Variants in SMOC1 observed in about 807,000 individuals in gnomAD.
SMOC1 encodes the protein SPARC-related modular calcium-binding protein 1.
Under a neutral mutation model 56.3 loss-of-function variants are expected in SMOC1, and 22 were observed. The observed-to-expected ratio is 0.39, with a 90% confidence interval of 0.28 to 0.56. The LOEUF (loss-of-function observed/expected upper bound fraction) is 0.56, where lower values mean the gene tolerates loss of function less well. Ranked by LOEUF, SMOC1 falls within the 20% of genes least tolerant of loss-of-function variation. The probability of loss-of-function intolerance (pLI) is 0.61; values close to 1 mark genes in which losing one functional copy is unlikely to be tolerated. For synonymous variants in SMOC1, 193 were observed against 215.0 expected (o/e 0.90, Z 0.89); for missense variants, 509 against 565.4 (o/e 0.90, Z 1.01).
intron 11 of SMOC1, among the ~76,000 whole-genome samples, chr14:70,029,243 G>T (rs968299786): frequency 1.3e-5 from 2 of 152,220 alleles, no homozygotes; most frequent in African/African-American, 4.8e-5. Context: ...AGCACCCTGT[G>T]GGGAGATGTG....
At chr14:70,028,165 T>G (rs1017393682) in intron 11 of SMOC1, among the ~76,000 whole-genome samples, 1 of 152,206 alleles carries the variant, frequency 6.6e-6, no homozygotes, top group African/African-American at 2.4e-5. Flanking sequence ...GAGAGCTGAA[T>G]TCTCTGCATA....
intron 3 of SMOC1, among the ~76,000 whole-genome samples, chr14:69,973,914 T>C (rs1357508923): frequency 6.6e-6 from 1 of 152,230 alleles, no homozygotes; most frequent in Admixed American, 6.5e-5. Context: ...TTGATTTCAA[T>C]ATGTCCTTGA....
At chr14:69,981,750 A>G (rs1452426923) in intron 5 of SMOC1, among the ~76,000 whole-genome samples, 1 of 152,238 alleles carries the variant, frequency 6.6e-6, no homozygotes, top group Non-Finnish European at 1.5e-5. Flanking sequence ...GAATGGTTTC[A>G]GAGATCAAGA....
At chr14:70,011,138 A>T (rs1414763446) in intron 8 of SMOC1, among the ~76,000 whole-genome samples, 192 bp downstream of exon 8, 1 of 152,190 alleles carries the variant, frequency 6.6e-6, no homozygotes, top group Non-Finnish European at 1.5e-5. Flanking sequence ...TCTCTTTCTA[A>T]CTTAAGACCT....
intron 1 of SMOC1, among the ~76,000 whole-genome samples, chr14:69,896,309 A>C (rs181761727): frequency 1.3e-5 from 2 of 152,350 alleles, no homozygotes; most frequent in African/African-American, 4.8e-5. Flanking sequence ...GGGGTCAAAG[A>C]GACCTGAGAT....
chr14:70,021,405 C>T (rs1885718848), intron 10 of SMOC1, among the ~76,000 whole-genome samples: 1 of 152,332 alleles, frequency 6.6e-6, no homozygotes, highest in South Asian at 2.1e-4. Context: ...ACTGTGTATG[C>T]TGGCAGAGAC....
At position 69,929,867 on chromosome 14, in the gene SMOC1, C is replaced by T. The variant is rs142540981; in HGVS notation, c.100-22271C>T. Among the ~76,000 whole-genome samples, 756 of 152,182 alleles carry T rather than the reference C, an allele frequency of 5.0e-3. 1 individual carries two copies. Among genetic ancestry groups the T allele is most frequent in the Non-Finnish European group, 6.4e-3 (435 of 68,002 alleles). ...GGCAGCCCCAGAGGCGTTAGGCTGA[C>T]GAAGGAAAAGAGAGGCCTTCTTACT... On this transcript the variant is annotated intron_variant, in intron 1 of 11. Transcript: ENST00000361956.
chr14:69,902,899 C>A (rs573508952), intron 1 of SMOC1, among the ~76,000 whole-genome samples: 1 of 152,212 alleles, frequency 6.6e-6, no homozygotes. Context: ...GGATTGCAGA[C>A]GGAGTCTCGT....
At chr14:69,926,937 G>GTGA (rs751898974) in intron 1 of SMOC1, among the ~76,000 whole-genome samples, 64 of 152,152 alleles carry the variant, frequency 4.2e-4, no homozygotes, top group African/African-American at 1.4e-3. Context: ...CCTGGATGTG[G>GTGA]TGATGATGAT....
chr14:69,991,065 C>A (rs1337935181), intron 5 of SMOC1, among the ~76,000 whole-genome samples: 1 of 152,176 alleles, frequency 6.6e-6, no homozygotes, highest in Non-Finnish European at 1.5e-5. Flanking sequence ...GTACTGAGAG[C>A]TCCAAATGGT....
chr14:69,953,773 A>G (rs1203250610), intron 3 of SMOC1, among the ~76,000 whole-genome samples: 1 of 152,180 alleles, frequency 6.6e-6, no homozygotes, highest in Non-Finnish European at 1.5e-5. Context: ...GGAAACTGGC[A>G]TTGCTTGGTC....
rs913583647 is a variant in SMOC1 at position 69,895,327 on chromosome 14, A to G, written c.99+15550A>G. Among the ~76,000 whole-genome samples, 3 of 152,374 alleles carry G rather than the reference A, an allele frequency of 2.0e-5. No homozygotes were observed. The East Asian group carries it at 5.8e-4, about 29-fold the overall frequency. ...TTAGGAAATGTGAAGTAGAGCTGAT[A>G]GAACAAGTAGCCAGCGATTCTGTTT... On this transcript the variant is annotated intron_variant, in intron 1 of 11. Coordinates refer to ENST00000361956, the MANE Select transcript of SMOC1 (RefSeq NM_001034852.3).
At chr14:70,027,957 G>A (rs1336929878) in intron 11 of SMOC1, among the ~76,000 whole-genome samples, 9 of 152,184 alleles carry the variant, frequency 5.9e-5, no homozygotes, top group East Asian at 1.9e-4. Flanking sequence ...CGGGAGCAGA[G>A]CCTATGCGTC....
chr14:70,005,276 A>C (rs1229379496), intron 7 of SMOC1, among the ~76,000 whole-genome samples: 1 of 152,262 alleles, frequency 6.6e-6, no homozygotes. Context: ...CTGAGGATTT[A>C]GGTTATCCAT....
intron 4 of SMOC1, among the ~76,000 whole-genome samples, chr14:69,976,430 C>T (rs2139504881): frequency 6.6e-6 from 1 of 152,250 alleles, no homozygotes; most frequent in African/African-American, 2.4e-5. Context: ...GACCTGAGGT[C>T]TTTGTTTTTA....
intron 1 of SMOC1, among the ~76,000 whole-genome samples, chr14:69,919,583 T>G (rs952918658): frequency 2.6e-5 from 4 of 152,254 alleles, no homozygotes; most frequent in Non-Finnish European, 5.9e-5. Flanking sequence ...GGTATTAAAC[T>G]TGACAAAACC....
chr14:69,903,900 T>TAA (rs55792587), intron 1 of SMOC1, among the ~76,000 whole-genome samples: 105 of 139,022 alleles, frequency 7.6e-4, no homozygotes, highest in African/African-American at 2.4e-3. Flanking sequence ...AATGATCAAT[T>TAA]AAAAAAAAAA....
At position 69,967,663 on chromosome 14, in the gene SMOC1, T is replaced by G. The variant is rs533830388; in HGVS notation, c.379-8052T>G. 4.6e-5 allele frequency among the ~76,000 whole-genome samples: 7 copies of G among 152,340 alleles called. No homozygotes were observed. In the East Asian group the frequency reaches 1.3e-3, roughly 29 times the overall value. ...TATATCTACACTGTTTTAGATGCTT[T>G]ATATATCTTGTTTCATTTTGTCTTC... On this transcript the variant is annotated intron_variant, in intron 3 of 11. Coordinates refer to ENST00000361956, the MANE Select transcript of SMOC1 (RefSeq NM_001034852.3).
Position 69,885,795 on chromosome 14 carries a change from C to T in SMOC1, c.99+6018C>T. On this transcript the variant is annotated intron_variant, in intron 1 of 11. Coordinates refer to ENST00000361956, the MANE Select transcript of SMOC1 (RefSeq NM_001034852.3). ...CCAGCAGCTTTCTTCTCGGCCCGGG[C>T]CAACAGTCTCTGCTTCTTCTCTTGC... 3.2e-6 allele frequency: 5 copies of T among 1,585,888 alleles called. No individual in the cohort carries two copies. The Admixed American group carries it at 6.7e-5, about 21-fold the overall frequency.
Sources: allele counts gnomAD v4.1 joint callset (sites outside exome capture counted in the v4.1 genomes callset), GRCh38; gene constraint gnomAD v4.1.1; transcripts MANE v1.5; gene names NCBI Gene and HGNC (gene_info 2026-07-23, HGNC 2026-07-21).